Variants in GREB1 observed in about 807,000 individuals in gnomAD.
GREB1 encodes the protein growth regulating estrogen receptor binding 1.
In GREB1, 106 loss-of-function variants were observed where a neutral mutation model predicts 200.7. That is an observed-to-expected ratio of 0.53 (90% CI 0.45 to 0.62). GREB1 has a LOEUF of 0.62. Among genes scored for constraint, GREB1 ranks in the 20% least tolerant of loss-of-function variants. GREB1 has a pLI of 0.00. For missense variants in GREB1, 2,243 were observed against 2,556.8 expected (o/e 0.88, Z 2.65); for synonymous variants, 1,132 against 1,092.4 (o/e 1.04, Z -0.72).
chr2:11,576,040 C>T (rs1330265623), intron 4 of GREB1, among the ~76,000 whole-genome samples: 2 of 152,206 alleles, frequency 1.3e-5, no homozygotes, highest in Non-Finnish European at 2.9e-5. Flanking sequence ...TTGTGGCGTT[C>T]TCTGGCTGGT....
At chr2:11,556,274 C>T (rs992849944) in intron 1 of GREB1, 180 bp from the exon 2 acceptor site, 2 of 168,476 alleles carry the variant, frequency 1.2e-5, no homozygotes, top group African/African-American at 4.8e-5. Context: ...AATGAAACGT[C>T]ATTCGTCTGG....
chr2:11,585,186 CA>C lies in GREB1; in HGVS notation c.933del (p.Lys311AsnfsTer65), dbSNP rs869310688. On this transcript the variant is annotated frameshift_variant, in exon 8 of 33. Transcript: ENST00000381486. LOFTEE classifies it high-confidence loss of function. The part of the protein sequence containing the change: ...LGILSNSGPP[K>X]KRHKGWSPES... ...GTATCTTGTCAAACTCCGGGCCCCCCAAAAAACGCCACAAAGGGTGGTCTCC... is the reference window on the plus strand; with the variant it reads ...GTATCTTGTCAAACTCCGGGCCCCCCAAAAACGCCACAAAGGGTGGTCTCC... The C allele has an allele frequency of 3.2e-6, 5 of 1,577,740 alleles. No homozygotes were observed. The highest frequency in any genetic ancestry group is 4.3e-6 in the Non-Finnish European group (5 of 1,165,252).
upstream of GREB1, among the ~76,000 whole-genome samples, chr2:11,532,253 G>C (rs1393715572): frequency 6.6e-6 from 1 of 152,156 alleles, no homozygotes; most frequent in African/African-American, 2.4e-5. Flanking sequence ...ACTTATTTCT[G>C]GTAGGGGCCG....
chr2:11,559,685 C>CT (rs1676791986), intron 2 of GREB1, among the ~76,000 whole-genome samples: 1 of 152,070 alleles, frequency 6.6e-6, no homozygotes, highest in African/African-American at 2.4e-5. Flanking sequence ...GCAGAGTCTT[C>CT]TGTGTCCGAC....
chr2:11,633,565 A>G lies in GREB1; in HGVS notation c.4991+502A>G, dbSNP rs1247929889. 6.6e-6 allele frequency among the ~76,000 whole-genome samples: 1 copy of G among 151,252 alleles called. No individual in the cohort carries two copies. Reference sequence around the variant, plus strand: ...GCAGACAGAGCGAGACTCCGTCTAAAAAAAAAAAAAAGAAAGAAAAAAATT... The same window carrying G: ...GCAGACAGAGCGAGACTCCGTCTAAGAAAAAAAAAAAGAAAGAAAAAAATT... On this transcript the variant is annotated intron_variant, in intron 28 of 32. Transcript: ENST00000381486. This position sits in a 1 kb window ranked among gnomAD's most constrained non-coding sequence, Gnocchi z 4.1.
intron 23 of GREB1, 116 bp downstream of exon 23, chr2:11,621,123 A>T (rs1683978641): frequency 4.2e-6 from 3 of 716,150 alleles, no homozygotes; most frequent in African/African-American, 1.7e-5. Context: ...GATCAGACTC[A>T]TCCCAAGGAC....
intron 7 of GREB1, chr2:11,581,286 G>C (rs913581098): frequency 6.2e-6 from 3 of 482,156 alleles, no homozygotes; most frequent in African/African-American, 1.9e-5. Flanking sequence ...CTGCTCCAAG[G>C]GTTGTTAAGA....
intron 1 of GREB1, among the ~76,000 whole-genome samples, chr2:11,487,382 C>A (rs755378320): frequency 1.3e-5 from 2 of 152,132 alleles, no homozygotes; most frequent in Admixed American, 6.5e-5. Flanking sequence ...TGTTCAACCC[C>A]GTAGGACAAC....
chr2:11,619,458 G>C (rs1683820772), intron 22 of GREB1, among the ~76,000 whole-genome samples: 1 of 152,152 alleles, frequency 6.6e-6, no homozygotes, highest in African/African-American at 2.4e-5. Context: ...TTTGGGGCTG[G>C]GATGCGGTTC....
chr2:11,612,733 C>T (rs1357467921), intron 19 of GREB1, 123 bp downstream of exon 19: 1 of 624,328 alleles, frequency 1.6e-6, no homozygotes. Context: ...ATTCACAGGC[C>T]CCGTGGGTGG....
intron 30 of GREB1, 106 bp downstream of exon 30, chr2:11,635,511 G>A (rs558405574): frequency 2.5e-5 from 33 of 1,321,150 alleles, no homozygotes; most frequent in Middle Eastern, 2.3e-4. Context: ...TCTTTCAAGC[G>A]CATGGGGCAG....
intron 2 of GREB1, chr2:11,561,453 T>A (rs889065936): frequency 6.7e-5 from 10 of 149,276 alleles, no homozygotes; most frequent in African/African-American, 2.5e-4. Context: ...AACCTCCACC[T>A]CCCAGGTTCA....
rs1045236529 is a variant in GREB1 at position 11,633,364 on chromosome 2, C to T, written c.4991+301C>T. Reference sequence around the variant, plus strand: ...GATCACGAGGTCAGGAGATCGAGACCATCCTGGCTAACACGGTGAAACCCT... The same window carrying T: ...GATCACGAGGTCAGGAGATCGAGACTATCCTGGCTAACACGGTGAAACCCT... On this transcript the variant is annotated intron_variant, in intron 28 of 32. Transcript: ENST00000381486. The surrounding 1 kb of genome is among the most constrained non-coding windows in gnomAD (Gnocchi z 4.1). Among the ~76,000 whole-genome samples the T allele has an allele frequency of 6.6e-6, 1 of 151,904 alleles. No homozygotes were observed. The highest frequency in any genetic ancestry group is 6.6e-5 in the Admixed American group (1 of 15,248).
intron 1 of GREB1, among the ~76,000 whole-genome samples, chr2:11,509,576 A>G (rs1300514410): frequency 6.6e-6 from 1 of 152,176 alleles, no homozygotes; most frequent in Non-Finnish European, 1.5e-5. Context: ...TACGGTTTGA[A>G]TGTTGGTGTC....
chr2:11,610,255 C>T (rs986420496), intron 17 of GREB1, among the ~76,000 whole-genome samples: 14 of 152,326 alleles, frequency 9.2e-5, no homozygotes, highest in African/African-American at 2.2e-4. Context: ...CTCGGGCCTC[C>T]GGTAGCTGCA....
At chr2:11,634,981 G>A (rs531736154) in intron 29 of GREB1, among the ~76,000 whole-genome samples, 4 of 152,304 alleles carry the variant, frequency 2.6e-5, no homozygotes, top group African/African-American at 9.6e-5. Context: ...CGTTTCTCAC[G>A]TGCACTTGGC....
At chr2:11,614,251 C>T (rs111446232) in intron 19 of GREB1, among the ~76,000 whole-genome samples, 3,029 of 151,830 alleles carry the variant, frequency 0.02, 107 homozygotes, top group African/African-American at 0.067. Context: ...CTCAGCCTCC[C>T]GAGGAGCTGG....
chr2:11,582,574 C>T (rs575153024), intron 7 of GREB1, among the ~76,000 whole-genome samples: 2 of 152,308 alleles, frequency 1.3e-5, no homozygotes, highest in East Asian at 3.9e-4. Flanking sequence ...CACGGGGCTC[C>T]CAGCCGTCCC....
chr2:11,623,934 A>G (rs948417701), intron 23 of GREB1, among the ~76,000 whole-genome samples: 28 of 152,184 alleles, frequency 1.8e-4, no homozygotes, highest in African/African-American at 6.5e-4. Flanking sequence ...ATAAAAGTAG[A>G]AAAATTAAAA....
Sources: gnomAD v4.1 joint callset for allele counts (sites outside exome capture counted in the v4.1 genomes callset) on GRCh38, gnomAD v4.1.1 for gene constraint, Gnocchi (gnomAD v3.1) non-coding constraint, MANE v1.5 for transcripts, NCBI Gene and HGNC (gene_info 2026-07-23, HGNC 2026-07-21) for gene names.